TLL1: variants seen among roughly 807,000 people sequenced by gnomAD.
The protein encoded by TLL1 is tolloid like 1.
A neutral mutation model predicts 128.2 loss-of-function variants in TLL1; 49 were observed. The ratio of observed to expected loss-of-function variants is 0.38; its 90% CI spans 0.30 to 0.48. The LOEUF (loss-of-function observed/expected upper bound fraction) is 0.48. TLL1 is among the 20% of genes least tolerant of loss of function. TLL1 has a pLI of 0.96. For synonymous variants in TLL1, 454 were observed against 418.8 expected (o/e 1.08, Z -1.03); for missense variants, 1,123 against 1,242.0 (o/e 0.90, Z 1.44).
intron 1 of TLL1, among the ~76,000 whole-genome samples, chr4:165,931,536 T>C (rs1009185985): frequency 6.6e-6 from 1 of 151,612 alleles, no homozygotes; most frequent in Non-Finnish European, 1.5e-5. Context: ...GCCAACACGG[T>C]GAAACCCCGT....
chr4:166,081,298 G>T (rs1157732093), intron 18 of TLL1, among the ~76,000 whole-genome samples: 1 of 152,120 alleles, frequency 6.6e-6, no homozygotes, highest in Non-Finnish European at 1.5e-5. Context: ...GGGTGGCAGG[G>T]TTTTCTGCTT....
At chr4:166,035,829 T>A (rs1738972126) in intron 9 of TLL1, among the ~76,000 whole-genome samples, 1 of 152,136 alleles carries the variant, frequency 6.6e-6, no homozygotes, top group South Asian at 2.1e-4. Flanking sequence ...GGTAAAGGAA[T>A]GGTCCCGATA....
Position 166,077,889 on chromosome 4 carries a change from G to A in TLL1, c.2315-14G>A. 1.2e-6 allele frequency: 2 copies of A among 1,613,050 alleles called. No homozygotes were observed. The highest frequency in any genetic ancestry group is 1.7e-6 in the Non-Finnish European group (2 of 1,179,416). ...GGATTGCCACACTGTCTGATATTATGGTTATTGGTGCAGCTGAGTGTGAAC... is the reference window on the plus strand; with the variant it reads ...GGATTGCCACACTGTCTGATATTATAGTTATTGGTGCAGCTGAGTGTGAAC... On this transcript the variant is annotated splice_polypyrimidine_tract_variant and intron_variant, in intron 17 of 20. Transcript: ENST00000061240.
chr4:165,971,747 T>G (rs1311211179), intron 1 of TLL1, among the ~76,000 whole-genome samples: 2 of 152,164 alleles, frequency 1.3e-5, no homozygotes, highest in African/African-American at 2.4e-5. Context: ...ATTTTAGATG[T>G]TTTCTTCTTA....
rs17589755 is a variant in TLL1, at chr4:165,914,227, T to C, written c.169+40154T>C. 8.0e-3 allele frequency among the ~76,000 whole-genome samples: 1,226 copies of C among 152,348 alleles called. 13 individuals are homozygous for C. Among genetic ancestry groups the C allele is most frequent in the Middle Eastern group, 0.037 (11 of 294 alleles). On this transcript the variant is annotated intron_variant, in intron 1 of 20. Transcript: ENST00000061240. Reference sequence around the variant, plus strand: ...GCGTGTGAAAAATATTCTTATGGTTTATTTATCCATCGCTACCCCAGAAAA... The same window carrying C: ...GCGTGTGAAAAATATTCTTATGGTTCATTTATCCATCGCTACCCCAGAAAA...
chr4:165,903,996 C>T (rs983559442), intron 1 of TLL1, among the ~76,000 whole-genome samples: 7 of 152,048 alleles, frequency 4.6e-5, no homozygotes, highest in South Asian at 4.2e-4. Flanking sequence ...TTATATTATA[C>T]GTTTAACAAA....
intron 1 of TLL1, among the ~76,000 whole-genome samples, chr4:165,979,776 C>T (rs1736065522): frequency 6.6e-6 from 1 of 152,184 alleles, no homozygotes; most frequent in Non-Finnish European, 1.5e-5. Context: ...GGTGGCAAGG[C>T]AAAACCCCAT....
intron 2 of TLL1, among the ~76,000 whole-genome samples, chr4:165,991,336 T>C (rs1184554859): frequency 6.6e-6 from 1 of 152,028 alleles, no homozygotes; most frequent in African/African-American, 2.4e-5. Context: ...AGTTCAATAG[T>C]AACTTGCACT....
intron 1 of TLL1, among the ~76,000 whole-genome samples, chr4:165,885,367 G>C (rs1731122177): frequency 1.3e-5 from 2 of 151,840 alleles, no homozygotes; most frequent in South Asian, 4.2e-4. Flanking sequence ...GTGCCAGGGG[G>C]CATATGCTGT....
At chr4:166,014,654 C>T in intron 8 of TLL1, 94 bp downstream of exon 8, 2 of 1,576,942 alleles carry the variant, frequency 1.3e-6, no homozygotes, top group South Asian at 2.2e-5. Context: ...TGTTTGTCTC[C>T]CTCCCTGTTG....
chr4:166,093,375 G>GC (rs1259775506), intron 19 of TLL1, among the ~76,000 whole-genome samples: 1 of 152,166 alleles, frequency 6.6e-6, no homozygotes, highest in Non-Finnish European at 1.5e-5. Flanking sequence ...GAGGTACTAT[G>GC]CCTGGATGTG....
chr4:165,884,971 C>G (rs1011140475), intron 1 of TLL1, among the ~76,000 whole-genome samples: 1 of 151,982 alleles, frequency 6.6e-6, no homozygotes, highest in Non-Finnish European at 1.5e-5. Flanking sequence ...TTGAAGTTAC[C>G]GGGTTCACTT....
At chr4:165,939,727 T>G (rs1733918872) in intron 1 of TLL1, among the ~76,000 whole-genome samples, 1 of 152,030 alleles carries the variant, frequency 6.6e-6, no homozygotes, top group Non-Finnish European at 1.5e-5. Context: ...ATTTTTTAGT[T>G]TCATTTAAGA....
chr4:166,100,963 G>A lies in TLL1; in HGVS notation c.*87G>A. On this transcript the variant is annotated 3_prime_UTR_variant, in exon 21 of 21. Coordinates refer to ENST00000061240, the MANE Select transcript of TLL1 (RefSeq NM_012464.5). ...TAAAACTGAAGATATTGGCACAAAT[G>A]TTTTATACAAAGAGTTTGAACAAAA... The A allele has an allele frequency of 5.3e-6, 8 of 1,519,196 alleles. No homozygotes were observed. The highest frequency in any genetic ancestry group is 7.2e-6 in the Non-Finnish European group (8 of 1,117,342). The allele number at this position is 1,519,196 out of a possible 1,614,324, so 94.1% of individuals were successfully genotyped here. A position where few individuals can be genotyped will look rare whatever the true frequency, so the allele number is the denominator to read the frequency against.
chr4:166,021,165 T>C (rs2111062563), intron 8 of TLL1, among the ~76,000 whole-genome samples: 1 of 152,170 alleles, frequency 6.6e-6, no homozygotes, highest in East Asian at 1.9e-4. Flanking sequence ...GAATGGAATA[T>C]ATTTTATATA....
intron 1 of TLL1, among the ~76,000 whole-genome samples, chr4:165,987,551 C>T (rs979752593): frequency 1.3e-5 from 2 of 152,134 alleles, no homozygotes; most frequent in Middle Eastern, 6.8e-3. Flanking sequence ...GTAAGCATTT[C>T]TTTGCTTCTT....
intron 15 of TLL1, among the ~76,000 whole-genome samples, chr4:166,060,772 A>G (rs541077399): frequency 6.6e-6 from 1 of 152,332 alleles, no homozygotes; most frequent in South Asian, 2.1e-4. Flanking sequence ...GAAATCATTT[A>G]TTTGAAAATT....
At position 165,879,225 on chromosome 4, in the gene TLL1, C is replaced by A. The variant is rs1028038695; in HGVS notation, c.169+5152C>A. Among the ~76,000 whole-genome samples the A allele has an allele frequency of 3.3e-5, 5 of 152,196 alleles. No individual in the cohort carries two copies. The East Asian group carries it at 9.6e-4, about 29-fold the overall frequency. The stretch of plus-strand genomic sequence containing the variant: ...GCTCCCAAAGTGCTGGCATTACAGG[C>A]GTGAGCACCCGGCTGACAGTTTCCT... On this transcript the variant is annotated intron_variant, in intron 1 of 20. Coordinates refer to ENST00000061240, the MANE Select transcript of TLL1 (RefSeq NM_012464.5).
At chr4:166,013,772 C>T (rs1056344742) in intron 7 of TLL1, among the ~76,000 whole-genome samples, 4 of 151,682 alleles carry the variant, frequency 2.6e-5, no homozygotes, top group African/African-American at 9.7e-5. Flanking sequence ...ATCTTGAGTC[C>T]CAAACAACTC....
Sources: allele counts gnomAD v4.1 joint callset (sites outside exome capture counted in the v4.1 genomes callset), GRCh38; gene constraint gnomAD v4.1.1; transcripts MANE v1.5; gene names NCBI Gene and HGNC (gene_info 2026-07-23, HGNC 2026-07-21).